The following MCUR1 variants were observed in gnomAD, a reference collection of about 807,000 sequenced individuals.
MCUR1 encodes the protein MCU regulator 1.
In MCUR1, 37 loss-of-function variants were observed where a neutral mutation model predicts 42.0. The ratio of observed to expected loss-of-function variants is 0.88; its 90% confidence interval spans 0.68 to 1.16. MCUR1 has a LOEUF of 1.16. Among genes scored for constraint, MCUR1 ranks in the 50% most tolerant of loss-of-function variants. The probability of loss-of-function intolerance (pLI) is 0.00; values close to 1 mark genes in which losing one functional copy is unlikely to be tolerated. For synonymous variants in MCUR1, 229 were observed against 196.2 expected, an observed-to-expected ratio of 1.17 and a Z score of -1.40; for missense variants, 469 against 468.4, an observed-to-expected ratio of 1.00 and a Z score of -0.01.
chr6:13,801,143 G>T, intron 4 of MCUR1, 145 bp downstream of exon 4: 1 of 629,856 alleles, frequency 1.6e-6, no homozygotes, highest in Non-Finnish European at 2.7e-6. Flanking sequence ...CAGTGGGCAA[G>T]TTTTCCTGCT....
rs1759689949 is a variant in MCUR1 at position 13,789,856 on chromosome 6, A to G, written c.*953T>C. ...GGGAGGAGGGAAAATCTTGCATTCT[A>G]AGAGGTAAGAGTCCCCATTACAATT... On this transcript the variant is annotated 3_prime_UTR_variant, in exon 9 of 9. Coordinates refer to ENST00000379170, the MANE Select transcript of MCUR1 (RefSeq NM_001031713.4). The G allele has an allele frequency of 6.6e-6, 1 of 152,300 alleles. No individual in the cohort carries two copies. Among genetic ancestry groups the G allele is most frequent in the Non-Finnish European group, 1.5e-5 (1 of 68,020 alleles). The allele number at this position is 152,300 out of a possible 1,614,324, so 9.4% of individuals were successfully genotyped here.
chr6:13,814,445 T>G lies in MCUR1; in HGVS notation c.-16A>C. ...CGCAGTCCATCCCCGAGCAGTTCAC[T>G]GGCCCGGGCGCGCGCTCATGCCTCT... On this transcript the variant is annotated 5_prime_UTR_variant, in exon 1 of 9. Coordinates refer to ENST00000379170, the MANE Select transcript of MCUR1 (RefSeq NM_001031713.4). 4 of 1,498,094 alleles carry G rather than the reference T, an allele frequency of 2.7e-6. No homozygotes were observed. The highest frequency in any genetic ancestry group is 2.4e-4 in the Middle Eastern group (1 of 4,222). 92.8% of individuals were successfully genotyped at this position (1,498,094 alleles called of 1,614,324 possible).
chr6:13,795,575 T>A (rs1759837748), intron 6 of MCUR1, among the ~76,000 whole-genome samples: 1 of 152,230 alleles, frequency 6.6e-6, no homozygotes, highest in Non-Finnish European at 1.5e-5. Flanking sequence ...ACTCGCTGTA[T>A]AATTTACTAC....
Position 13,814,367 on chromosome 6 carries a change from G to A in MCUR1, c.63C>T (p.Leu21=), listed in dbSNP as rs545271722. ...TQRLPGRQRL[L]FLPVGLSGRP... is the part of the protein sequence containing the mutation. The stretch of plus-strand genomic sequence containing the variant: ...TTCCGCTGAGGCCCACGGGCAAGAA[G>A]AGAAGCCGCTGGCGGCCGGGCAGGC... Residue 21 remains leucine (L), a synonymous_variant, in exon 1 of 9, where the codon CTC becomes CTT. Transcript: ENST00000379170. The A allele has an allele frequency of 1.4e-5, 22 of 1,527,482 alleles. No individual in the cohort carries two copies. The South Asian group carries it at 2.5e-4, about 18-fold the overall frequency. 94.6% of individuals were successfully genotyped at this position (1,527,482 alleles called of 1,614,324 possible).
At position 13,792,008 on chromosome 6, in the gene MCUR1, G is replaced by C. The variant is rs750123158; in HGVS notation, c.910-16C>G. 6.3e-6 allele frequency: 10 copies of C among 1,594,778 alleles called. No homozygotes were observed. The highest frequency in any genetic ancestry group is 5.0e-5 in the Admixed American group (3 of 59,956). Reference sequence around the variant, plus strand: ...GCTGGGCATGCTTTTAAAATGAAGAGAGTCACAGCGTTAGACCACAGCACG... The same window carrying C: ...GCTGGGCATGCTTTTAAAATGAAGACAGTCACAGCGTTAGACCACAGCACG... On this transcript the variant is annotated splice_polypyrimidine_tract_variant and intron_variant, in intron 7 of 8. Transcript: ENST00000379170.
rs1159118061 is a variant in MCUR1 at position 13,788,734 on chromosome 6, A to G, written c.*2075T>C. 1.3e-5 allele frequency: 2 copies of G among 152,182 alleles called. No homozygotes were observed. The highest frequency in any genetic ancestry group is 2.9e-5 in the Non-Finnish European group (2 of 68,042). The allele number at this position is 152,182 out of a possible 1,614,324, so 9.4% of individuals were successfully genotyped here. A position where few individuals can be genotyped will look rare whatever the true frequency, so the allele number is the denominator to read the frequency against. On this transcript the variant is annotated 3_prime_UTR_variant, in exon 9 of 9. Transcript: ENST00000379170. The stretch of plus-strand genomic sequence containing the variant: ...AAGGGGGATGATATATTGATAAAAT[A>G]TTTTATTAATCAGTTAAGAATTTTT...
At chr6:13,797,282 C>T (rs1275076556) in intron 6 of MCUR1, among the ~76,000 whole-genome samples, 2 of 152,158 alleles carry the variant, frequency 1.3e-5, no homozygotes, top group Non-Finnish European at 2.9e-5. Flanking sequence ...TCTCTCTGCC[C>T]TATTTCTCAT....
At chr6:13,797,374 G>T (rs547738477) in intron 6 of MCUR1, among the ~76,000 whole-genome samples, 1 of 152,218 alleles carries the variant, frequency 6.6e-6, no homozygotes, top group East Asian at 1.9e-4. Flanking sequence ...ATTCAGACAG[G>T]GTTAAAAATC....
In MCUR1 at chr6:13,788,428, C is replaced by T. The variant is rs898730701; in HGVS notation, c.*2381G>A. ...ACTGCAAAGAACTCTATAGCAAAAT[C>T]GAACACCCAAATTAAGTGCCAGAAT... On this transcript the variant is annotated 3_prime_UTR_variant, in exon 9 of 9. Coordinates refer to ENST00000379170, the MANE Select transcript of MCUR1 (RefSeq NM_001031713.4). 4 of 152,262 alleles carry T rather than the reference C, an allele frequency of 2.6e-5. No homozygotes were observed. Among genetic ancestry groups the T allele is most frequent in the Non-Finnish European group, 4.4e-5 (3 of 68,038 alleles). 9.4% of individuals were successfully genotyped at this position (152,262 alleles called of 1,614,324 possible). A position where few individuals can be genotyped will look rare whatever the true frequency, so the allele number is the denominator to read the frequency against.
chr6:13,806,969 A>G lies in MCUR1; in HGVS notation c.491T>C (p.Leu164Pro). The G allele has an allele frequency of 1.2e-6, 2 of 1,613,630 alleles. No individual in the cohort carries two copies. The highest frequency in any genetic ancestry group is 1.7e-6 in the Non-Finnish European group (2 of 1,179,616). The change falls in exon 2 of 9, where the codon CTC becomes CCC. Residue 164 changes from leucine (L) to proline (P), a missense_variant. Physicochemically the swap from Leu to Pro is moderately conservative, Grantham distance 98. Coordinates refer to ENST00000379170, the MANE Select transcript of MCUR1 (RefSeq NM_001031713.4). ...CACTAAGGCATGAGTGTCGAAGTAG[A>G]GTTTCCTGCTCCCAGAAGAGGTGAA... The part of the protein sequence containing the change: ...RDFTSSGSRK[L>P]YFDTHALVCL...
intron 1 of MCUR1, among the ~76,000 whole-genome samples, chr6:13,808,798 G>C (rs1156460168): frequency 6.6e-6 from 1 of 152,086 alleles, no homozygotes; most frequent in African/African-American, 2.4e-5. Flanking sequence ...GAAAATCAGT[G>C]GGCTGTAAGC....
rs1268202272 is a variant in MCUR1, at chr6:13,786,836, AG to A, written c.*3972del. ...AGTTAAGAAATTGGGTTATAAGCAA[AG>A]GAACATAAGTGTAAAATGTGTAGAA... On this transcript the variant is annotated 3_prime_UTR_variant, in exon 9 of 9. Transcript: ENST00000379170. 6.6e-6 allele frequency: 1 copy of A among 152,232 alleles called. No individual in the cohort carries two copies. Among genetic ancestry groups the A allele is most frequent in the African/African-American group, 2.4e-5 (1 of 41,460 alleles). 9.4% of individuals were successfully genotyped at this position (152,232 alleles called of 1,614,324 possible). A position where few individuals can be genotyped will look rare whatever the true frequency, so the allele number is the denominator to read the frequency against.
rs555847859 is a variant in MCUR1 at position 13,790,719 on chromosome 6, C to T, written c.*90G>A. The T allele has an allele frequency of 6.0e-4, 587 of 985,306 alleles. 2 individuals carry two copies. In the South Asian group the frequency reaches 7.7e-3, roughly 13 times the overall value. The allele number at this position is 985,306 out of a possible 1,614,324, so 61.0% of individuals were successfully genotyped here. On this transcript the variant is annotated 3_prime_UTR_variant, in exon 9 of 9. Transcript: ENST00000379170. ...CCACCTGCCTCAGCCTCCCAAAGTG[C>T]TGGAATTACAGGTGTGAGCCACCGC... is the stretch of plus-strand genomic sequence containing the variant.
At chr6:13,806,593 A>G (rs937376705) in intron 2 of MCUR1, among the ~76,000 whole-genome samples, 2 of 152,340 alleles carry the variant, frequency 1.3e-5, no homozygotes, top group African/African-American at 4.8e-5. Flanking sequence ...AAAAATGGAG[A>G]TTAATTAAAA....
chr6:13,808,436 T>C (rs1216077762), intron 1 of MCUR1, among the ~76,000 whole-genome samples: 8 of 152,212 alleles, frequency 5.3e-5, no homozygotes, highest in Admixed American at 5.2e-4. Flanking sequence ...TTTTCTCCCA[T>C]TCTGTCGGTT....
rs1759675358 is a variant in MCUR1, at chr6:13,789,397, C to T, written c.*1412G>A. ...GCCCTGCGACAGTGCGAGACTCCGTCTCAAAAAAAAAAAAAAGGTGAGAAT... is the reference window on the plus strand; with the variant it reads ...GCCCTGCGACAGTGCGAGACTCCGTTTCAAAAAAAAAAAAAAGGTGAGAAT... On this transcript the variant is annotated 3_prime_UTR_variant, in exon 9 of 9. Coordinates refer to ENST00000379170, the MANE Select transcript of MCUR1 (RefSeq NM_001031713.4). The T allele has an allele frequency of 6.8e-6, 1 of 148,050 alleles. No individual in the cohort carries two copies. The highest frequency in any genetic ancestry group is 1.5e-5 in the Non-Finnish European group (1 of 67,318). The allele number at this position is 148,050 out of a possible 1,614,324, so 9.2% of individuals were successfully genotyped here.
Position 13,793,925 on chromosome 6 carries a change from A to G in MCUR1, c.878T>C (p.Leu293Pro). ...KELYSLNEKK[L>P]LELRTEIVAL... is the part of the protein sequence containing the mutation. ...CACTATTTCTGTTCTCAATTCCAGCAGCTTCTTTTCGTTCAATGAATACTG... is the reference window on the plus strand; with the variant it reads ...CACTATTTCTGTTCTCAATTCCAGCGGCTTCTTTTCGTTCAATGAATACTG... The change falls in exon 7 of 9, where the codon CTG becomes CCG. Residue 293 changes from leucine (L) to proline (P), a missense_variant. By Grantham distance (98) the Leu-to-Pro change is moderately conservative. Coordinates refer to ENST00000379170, the MANE Select transcript of MCUR1 (RefSeq NM_001031713.4). 1 of 1,613,748 alleles carries G rather than the reference A, an allele frequency of 6.2e-7. No individual in the cohort carries two copies. The highest frequency in any genetic ancestry group is 8.5e-7 in the Non-Finnish European group (1 of 1,179,980).
chr6:13,805,701 C>G (rs922922280), intron 2 of MCUR1, among the ~76,000 whole-genome samples: 2 of 152,138 alleles, frequency 1.3e-5, no homozygotes, highest in Non-Finnish European at 2.9e-5. Context: ...ACATGTACAA[C>G]TGGACAAATA....
intron 2 of MCUR1, among the ~76,000 whole-genome samples, chr6:13,806,182 G>A (rs1019633607): frequency 3.9e-5 from 6 of 152,000 alleles, no homozygotes; most frequent in Non-Finnish European, 7.4e-5. Context: ...TGAACCCGAG[G>A]TGGAGGTTGC....
Sources: allele counts gnomAD v4.1 joint callset (sites outside exome capture counted in the v4.1 genomes callset), GRCh38; gene constraint gnomAD v4.1.1; transcripts MANE v1.5; gene names NCBI Gene and HGNC (gene_info 2026-07-23, HGNC 2026-07-21).